Variants in CDH3 observed in about 807,000 individuals in gnomAD.
The protein encoded by CDH3 is cadherin 3, also known as cadherin-3.
In CDH3, 54 loss-of-function variants were observed where a neutral mutation model predicts 82.0. That is an observed-to-expected ratio of 0.66 (90% CI 0.53 to 0.83). CDH3 has a LOEUF of 0.83. Among genes scored for constraint, CDH3 ranks in the 40% least tolerant of loss-of-function variants. CDH3 has a pLI of 0.00. For missense variants in CDH3, 1,054 were observed against 1,084.6 expected (o/e 0.97, Z 0.40); for synonymous variants, 446 against 437.9 (o/e 1.02, Z -0.23).
intron 13 of CDH3, among the ~76,000 whole-genome samples, chr16:68,693,474 G>T (rs982834438): frequency 6.6e-6 from 1 of 152,120 alleles, no homozygotes. Context: ...ATGGATGATC[G>T]CAAGGCTTTC....
intron 12 of CDH3, 43 bp from the exon 13 acceptor site, chr16:68,691,677 C>A: frequency 6.8e-7 from 1 of 1,476,886 alleles, no homozygotes; most frequent in South Asian, 1.1e-5. Context: ...CAGATCCCCG[C>A]ACTGATGGTT....
intron 12 of CDH3, among the ~76,000 whole-genome samples, chr16:68,689,240 A>G (rs1217815308): frequency 6.6e-6 from 1 of 152,152 alleles, no homozygotes; most frequent in African/African-American, 2.4e-5. Context: ...GGCACTTAGT[A>G]AGTGCCCATT....
intron 11 of CDH3, 96 bp from the exon 12 acceptor site, chr16:68,687,416 C>T (rs1961442255): frequency 1.1e-6 from 1 of 897,662 alleles, no homozygotes; most frequent in East Asian, 2.4e-5. Context: ...CATGGAAGGT[C>T]TTGAGAGGTG....
intron 2 of CDH3, among the ~76,000 whole-genome samples, chr16:68,650,743 C>T (rs1203001400): frequency 6.6e-6 from 1 of 152,178 alleles, no homozygotes; most frequent in Non-Finnish European, 1.5e-5. Context: ...CTCCCCAGCA[C>T]AGCTCAGTCC....
chr16:68,685,901 C>T (rs559273050), intron 11 of CDH3, among the ~76,000 whole-genome samples: 6 of 152,348 alleles, frequency 3.9e-5, no homozygotes, highest in Middle Eastern at 6.8e-3. Flanking sequence ...TGTGGTGACT[C>T]AGGCCTGTAA....
At chr16:68,710,260 A>C (rs1962010666) in intron 1 of CDH3, among the ~76,000 whole-genome samples, 1 of 152,212 alleles carries the variant, frequency 6.6e-6, no homozygotes, top group African/African-American at 2.4e-5. Flanking sequence ...CTGGGGTCTG[A>C]AAGGCAGTTT....
chr16:68,731,385 A>ATAT (rs1432387943), downstream of CDH3, among the ~76,000 whole-genome samples: 1 of 9,342 alleles, frequency 1.1e-4, no homozygotes, highest in African/African-American at 5.0e-4. Context: ...AAAAAAAAAA[A>ATAT]AAAAAAAAAA....
rs760768323 is a variant in CDH3 at position 68,687,530 on chromosome 16, G to A, written c.1589G>A (p.Gly530Asp). The A allele has an allele frequency of 6.2e-7, 1 of 1,614,038 alleles. No individual in the cohort carries two copies. The highest frequency in any genetic ancestry group is 8.5e-7 in the Non-Finnish European group (1 of 1,179,984). The change falls in exon 12 of 16, where the codon GGC becomes GAC. Residue 530 changes from glycine to aspartate, a missense_variant. Gly to Asp is a moderately conservative substitution (Grantham distance 94). Coordinates refer to ENST00000264012, the MANE Select transcript of CDH3 (RefSeq NM_001793.6). ...CAAACAGGAAGCCCTCCCACCACTG[G>A]CACGGGAACCCTTCTGCTAACACTG... ...AMDNGSPPTT[G>D]TGTLLLTLID... is the part of the protein sequence containing the mutation.
At chr16:68,676,876 C>T (rs16958280) in intron 3 of CDH3, among the ~76,000 whole-genome samples, 2 of 152,092 alleles carry the variant, frequency 1.3e-5, no homozygotes, top group African/African-American at 2.4e-5. Context: ...GGCCACACTT[C>T]GTTTTAATTT....
At chr16:68,705,028 C>T (rs1332536442), downstream of CDH3, among the ~76,000 whole-genome samples, 2 of 152,106 alleles carry the variant, frequency 1.3e-5, no homozygotes, top group Admixed American at 6.5e-5. Flanking sequence ...CACCACTGCA[C>T]TCCAGCCTGG....
intron 11 of CDH3, among the ~76,000 whole-genome samples, chr16:68,686,154 A>G (rs534912739): frequency 5.2e-5 from 8 of 152,390 alleles, no homozygotes; most frequent in Admixed American, 1.3e-4. Flanking sequence ...TGTCTCTACT[A>G]AAAACATAAA....
intron 2 of CDH3, among the ~76,000 whole-genome samples, chr16:68,663,385 G>A (rs569595805): frequency 2.0e-5 from 3 of 151,586 alleles, no homozygotes; most frequent in African/African-American, 7.3e-5. Context: ...TGCCCGCCAT[G>A]ATGCCCGGCT....
chr16:68,682,452 C>G lies in CDH3; in HGVS notation c.1147C>G (p.Pro383Ala), dbSNP rs1165651591. The change falls in exon 9 of 16, where the codon CCT becomes GCT. Residue 383 changes from proline to alanine, a missense_variant. Transcript: ENST00000264012. ...DGDHFTITTH[P>A]ESNQGILTTR... Reference sequence around the variant, plus strand: ...GGACCATTTTACCATCACCACCCACCCTGAGAGCAACCAGGGCATCCTGAC... The same window carrying G: ...GGACCATTTTACCATCACCACCCACGCTGAGAGCAACCAGGGCATCCTGAC... 6.2e-7 allele frequency: 1 copy of G among 1,614,028 alleles called. No homozygotes were observed. The highest frequency in any genetic ancestry group is 1.3e-5 in the African/African-American group (1 of 74,924).
chr16:68,691,588 C>A, intron 12 of CDH3, 132 bp from the exon 13 acceptor site: 1 of 748,966 alleles, frequency 1.3e-6, no homozygotes, highest in Non-Finnish European at 2.4e-6. Context: ...CTGCTATTTT[C>A]CAAAGTGTGC....
intron 2 of CDH3, among the ~76,000 whole-genome samples, chr16:68,724,023 C>T (rs1354219257): frequency 1.7e-4 from 25 of 144,650 alleles, no homozygotes; most frequent in Admixed American, 3.5e-4. Flanking sequence ...GAGCCGAGAT[C>T]GGGCCACTGC....
intron 2 of CDH3, among the ~76,000 whole-genome samples, chr16:68,662,544 CTTTTTT>C (rs34173111): frequency 2.1e-5 from 2 of 94,024 alleles, no homozygotes; most frequent in South Asian, 3.8e-4. Flanking sequence ...TGAAGCCAGC[CTTTTTT>C]TTTTTTTTTT....
At chr16:68,687,415 T>G (rs1597813957) in intron 11 of CDH3, 97 bp from the exon 12 acceptor site, 2 of 871,996 alleles carry the variant, frequency 2.3e-6, no homozygotes, top group Non-Finnish European at 1.9e-6. Context: ...GCATGGAAGG[T>G]CTTGAGAGGT....
chr16:68,683,495 C>CA (rs1364804997), intron 9 of CDH3, among the ~76,000 whole-genome samples: 25 of 150,660 alleles, frequency 1.7e-4, no homozygotes, highest in Admixed American at 3.3e-4. Context: ...ACTAAAAATA[C>CA]AAAAAAATTA....
downstream of CDH3, among the ~76,000 whole-genome samples, chr16:68,701,141 TCCTC>T (rs1177438356): frequency 1.3e-5 from 2 of 152,118 alleles, no homozygotes; most frequent in Non-Finnish European, 2.9e-5. Flanking sequence ...AGGCTGGCCT[TCCTC>T]CCCTGAGATA....
Sources: gnomAD v4.1 joint callset for allele counts (sites outside exome capture counted in the v4.1 genomes callset) on GRCh38, gnomAD v4.1.1 for gene constraint, MANE v1.5 for transcripts, NCBI Gene and HGNC (gene_info 2026-07-23, HGNC 2026-07-21) for gene names.